Variants in VAPB observed in about 807,000 individuals in gnomAD.
VAPB encodes the protein vesicle-associated membrane protein-associated protein B/C.
VAPB carries 7 observed loss-of-function variants against 25.6 expected under a neutral mutation model. That is an observed-to-expected ratio of 0.27 (90% CI 0.16 to 0.51). The LOEUF (loss-of-function observed/expected upper bound fraction) is 0.51. Among genes scored for constraint, VAPB ranks in the 20% least tolerant of loss-of-function variants. The pLI, the probability that VAPB is intolerant of heterozygous loss-of-function variation, is 0.97. For missense variants in VAPB, 266 were observed against 301.3 expected (o/e 0.88, Z 0.87); for synonymous variants, 112 against 109.2 (o/e 1.03, Z -0.16).
intron 3 of VAPB, among the ~76,000 whole-genome samples, chr20:58,435,781 T>G (rs1989031392): frequency 6.6e-6 from 1 of 152,210 alleles, no homozygotes; most frequent in Non-Finnish European, 1.5e-5. Context: ...AGAACAATTC[T>G]TATGAAAACT....
rs754616161 is a variant in VAPB, at chr20:58,447,793, A to G, written c.*3558A>G. 2.2e-6 allele frequency: 1 copy of G among 454,070 alleles called. No individual in the cohort carries two copies. The allele number at this position is 454,070 out of a possible 1,614,324, so 28.1% of individuals were successfully genotyped here. A position where few individuals can be genotyped will look rare whatever the true frequency, so the allele number is the denominator to read the frequency against. ...AAACTCAGAATCCATGCCAAAATAC[A>G]ATGTTATATGTCATTTTCAGCTCCT... On this transcript the variant is annotated 3_prime_UTR_variant, in exon 6 of 6. Coordinates refer to ENST00000475243, the MANE Select transcript of VAPB (RefSeq NM_004738.5).
At chr20:58,397,069 C>G (rs1217546742) in intron 1 of VAPB, among the ~76,000 whole-genome samples, 1 of 152,220 alleles carries the variant, frequency 6.6e-6, no homozygotes, top group Non-Finnish European at 1.5e-5. Context: ...TTCTTAAGAA[C>G]ATCAATTCAT....
At chr20:58,428,817 A>T (rs1047396357) in intron 2 of VAPB, among the ~76,000 whole-genome samples, 2 of 152,212 alleles carry the variant, frequency 1.3e-5, no homozygotes, top group Non-Finnish European at 2.9e-5. Flanking sequence ...ATGAGATGAT[A>T]GTAGCTGAGA....
At chr20:58,399,756 C>G (rs1481919719) in intron 1 of VAPB, among the ~76,000 whole-genome samples, 1 of 151,782 alleles carries the variant, frequency 6.6e-6, no homozygotes, top group Non-Finnish European at 1.5e-5. Flanking sequence ...TCTGTGTTTC[C>G]CCCTAAGAAC....
rs1001280066 is a variant in VAPB at position 58,389,277 on chromosome 20, C to A, written c.-183C>A. ...CCGCGGCCTCGCCCTCGCCCTCCGC[C>A]CCTGCGCCTGCACCGCGTAGACCGA... On this transcript the variant is annotated 5_prime_UTR_variant, in exon 1 of 6. Transcript: ENST00000475243. 17 of 708,086 alleles carry A rather than the reference C, an allele frequency of 2.4e-5. 1 individual carries two copies. The highest frequency in any genetic ancestry group is 8.3e-5 in the Admixed American group (4 of 48,268). 43.9% of individuals were successfully genotyped at this position (708,086 alleles called of 1,614,324 possible). A position where few individuals can be genotyped will look rare whatever the true frequency, so the allele number is the denominator to read the frequency against.
chr20:58,395,152 CTT>C (rs397865707), intron 1 of VAPB, among the ~76,000 whole-genome samples: 47 of 128,508 alleles, frequency 3.7e-4, no homozygotes, highest in Non-Finnish European at 3.4e-4. Flanking sequence ...CCAAAAGTGT[CTT>C]TTTTTTTTTT....
chr20:58,393,385 G>A (rs573443605), intron 1 of VAPB, among the ~76,000 whole-genome samples: 2 of 147,022 alleles, frequency 1.4e-5, no homozygotes, highest in East Asian at 3.9e-4. Flanking sequence ...AGTCATAGGA[G>A]TTTTTTAAAA....
chr20:58,434,856 T>G lies in VAPB; in HGVS notation c.315+151T>G, dbSNP rs1302587947. ...AAGGAGGTTTGTACTTTATCTACCT[T>G]TATGGTTTTTCTAAAACTTTGAGGA... On this transcript the variant is annotated intron_variant, in intron 3 of 5. Transcript: ENST00000475243. The G allele has an allele frequency of 4.9e-6, 3 of 617,028 alleles. No homozygotes were observed. In the African/African-American group the frequency reaches 5.6e-5, roughly 11 times the overall value. 38.2% of individuals were successfully genotyped at this position (617,028 alleles called of 1,614,324 possible). A position where few individuals can be genotyped will look rare whatever the true frequency, so the allele number is the denominator to read the frequency against.
At chr20:58,389,827 G>A (rs1428697008) in intron 1 of VAPB, among the ~76,000 whole-genome samples, 1 of 152,126 alleles carries the variant, frequency 6.6e-6, no homozygotes, top group African/African-American at 2.4e-5. Flanking sequence ...TCTAGTGTGA[G>A]CCTCCGCCGC....
chr20:58,429,639 C>T (rs377228052), intron 2 of VAPB, among the ~76,000 whole-genome samples: 3 of 152,278 alleles, frequency 2.0e-5, no homozygotes, highest in Non-Finnish European at 2.9e-5. Context: ...CCATTCCTTC[C>T]GTAAGGGATG....
chr20:58,400,206 C>G (rs1036648786), intron 1 of VAPB, among the ~76,000 whole-genome samples: 5 of 152,126 alleles, frequency 3.3e-5, no homozygotes, highest in African/African-American at 9.7e-5. Flanking sequence ...GGGCTAACCT[C>G]CTTAGCTTTG....
chr20:58,442,255 T>G (rs992209310), intron 5 of VAPB, among the ~76,000 whole-genome samples: 8 of 152,218 alleles, frequency 5.3e-5, no homozygotes, highest in Non-Finnish European at 1.2e-4. Context: ...TTTGCAGTGA[T>G]TTTGATTTGC....
chr20:58,414,590 C>T (rs1413156180), intron 1 of VAPB, among the ~76,000 whole-genome samples: 6 of 146,994 alleles, frequency 4.1e-5, no homozygotes, highest in Admixed American at 2.7e-4. Context: ...CCAGACGGGG[C>T]GGCGGGGCAG....
At chr20:58,435,607 C>G (rs1360410303) in intron 3 of VAPB, among the ~76,000 whole-genome samples, 1 of 152,222 alleles carries the variant, frequency 6.6e-6, no homozygotes. Context: ...AAGGGCAACT[C>G]AGGCCAAGAC....
Position 58,418,244 on chromosome 20 carries a change from A to G in VAPB, c.92A>G (p.Lys31Arg). 1 of 1,614,208 alleles carries G rather than the reference A, an allele frequency of 6.2e-7. No individual in the cohort carries two copies. Among genetic ancestry groups the G allele is most frequent in the Non-Finnish European group, 8.5e-7 (1 of 1,180,030 alleles). ...ACCGATGTTGTCACCACCAACCTAAAGCTTGGCAACCCGACAGACCGAAAT... is the reference window on the plus strand; with the variant it reads ...ACCGATGTTGTCACCACCAACCTAAGGCTTGGCAACCCGACAGACCGAAAT... The part of the protein sequence containing the change: ...PFTDVVTTNL[K>R]LGNPTDRNVC... The change falls in exon 2 of 6, where the codon AAG (lysine) becomes AGG (arginine). Residue 31 changes from lysine (K) to arginine (R), a missense_variant. Physicochemically the swap from Lys to Arg is conservative, Grantham distance 26. Coordinates refer to ENST00000475243, the MANE Select transcript of VAPB (RefSeq NM_004738.5).
chr20:58,447,515 C>T lies in VAPB; in HGVS notation c.*3280C>T, dbSNP rs1339211434. On this transcript the variant is annotated 3_prime_UTR_variant, in exon 6 of 6. Transcript: ENST00000475243. The stretch of plus-strand genomic sequence containing the variant: ...TGATCCGTGAAAACCTAAACGCTTT[C>T]AAACAAATCCCAGGAACAGAATTGC... 2.2e-6 allele frequency: 1 copy of T among 454,026 alleles called. No individual in the cohort carries two copies. Among genetic ancestry groups the T allele is most frequent in the Non-Finnish European group, 4.4e-6 (1 of 226,802 alleles). 28.1% of individuals were successfully genotyped at this position (454,026 alleles called of 1,614,324 possible). A position where few individuals can be genotyped will look rare whatever the true frequency, so the allele number is the denominator to read the frequency against.
At chr20:58,438,031 G>A (rs1989085615) in intron 3 of VAPB, among the ~76,000 whole-genome samples, 1 of 152,248 alleles carries the variant, frequency 6.6e-6, no homozygotes, top group African/African-American at 2.4e-5. Flanking sequence ...AAAAGGAGAA[G>A]TAATCAGGAG....
chr20:58,390,795 C>G (rs1987777380), intron 1 of VAPB, among the ~76,000 whole-genome samples: 1 of 152,144 alleles, frequency 6.6e-6, no homozygotes, highest in African/African-American at 2.4e-5. Flanking sequence ...ACCCAGTTGG[C>G]AAATGGTACA....
At position 58,445,684 on chromosome 20, in the gene VAPB, CTGTGTGTGTGTGTGTGTGTGTGTG is replaced by C. The variant is rs138225455; in HGVS notation, c.*1463_*1486del. 2 of 431,948 alleles carry C rather than the reference CTGTGTGTGTGTGTGTGTGTGTGTG, an allele frequency of 4.6e-6. No individual in the cohort carries two copies. Among genetic ancestry groups the C allele is most frequent in the Admixed American group, 2.5e-5 (1 of 40,086 alleles). 26.8% of individuals were successfully genotyped at this position (431,948 alleles called of 1,614,324 possible). On this transcript the variant is annotated 3_prime_UTR_variant, in exon 6 of 6. Transcript: ENST00000475243. ...GAAATACGTGTTTCATGATTTAACTCTGTGTGTGTGTGTGTGTGTGTGTGTGTGTGTGTGTGTATTTTTTTTTTG... is the reference window on the plus strand; with the variant it reads ...GAAATACGTGTTTCATGATTTAACTCTGTGTGTGTGTGTATTTTTTTTTTG...
Sources: allele counts gnomAD v4.1 joint callset (sites outside exome capture counted in the v4.1 genomes callset), GRCh38; gene constraint gnomAD v4.1.1; transcripts MANE v1.5; gene names NCBI Gene and HGNC (gene_info 2026-07-23, HGNC 2026-07-21).